Variants in JPH3 observed in about 807,000 individuals in gnomAD.
The protein encoded by JPH3 is junctophilin-3.
Under a neutral mutation model 59.6 loss-of-function variants are expected in JPH3, and 11 were observed. The ratio of observed to expected loss-of-function variants is 0.18; its 90% CI spans 0.12 to 0.31. The LOEUF (loss-of-function observed/expected upper bound fraction) is 0.31. JPH3 is among the 10% of genes least tolerant of loss of function. JPH3 has a pLI of 1.00. For missense variants in JPH3, 1,202 were observed against 1,105.7 expected, an observed-to-expected ratio of 1.09 and a Z score of -1.24; for synonymous variants, 673 against 483.6, an observed-to-expected ratio of 1.39 and a Z score of -5.14.
intron 2 of JPH3, among the ~76,000 whole-genome samples, chr16:87,655,277 A>T (rs1255249070): frequency 2.0e-5 from 3 of 152,180 alleles, no homozygotes; most frequent in Admixed American, 6.5e-5. Flanking sequence ...CTGCGTGGCC[A>T]CCAGGGAAAA....
intron 1 of JPH3, among the ~76,000 whole-genome samples, chr16:87,627,049 G>A (rs2031403365): frequency 6.6e-6 from 1 of 152,260 alleles, no homozygotes; most frequent in Non-Finnish European, 1.5e-5. Flanking sequence ...CACCTGGGAA[G>A]CTCTTAAAAG....
At chr16:87,695,615 G>A (rs1484721848) in intron 4 of JPH3, 1 of 456,048 alleles carries the variant, frequency 2.2e-6, no homozygotes, top group Non-Finnish European at 4.4e-6. Flanking sequence ...CCATTCCTGG[G>A]CTGGGGCCAC....
At chr16:87,685,434 T>C (rs910845506) in intron 3 of JPH3, among the ~76,000 whole-genome samples, 13 of 152,362 alleles carry the variant, frequency 8.5e-5, no homozygotes, top group African/African-American at 3.1e-4. Flanking sequence ...TCCTCCATGG[T>C]CTCGCCCTCA....
intron 4 of JPH3, among the ~76,000 whole-genome samples, chr16:87,691,858 C>T (rs573274931): frequency 3.0e-4 from 46 of 152,200 alleles, no homozygotes; most frequent in African/African-American, 1.1e-3. Flanking sequence ...GCTGTGCGCG[C>T]GCGGTTATTT....
At chr16:87,641,660 C>T (rs1279012026) in intron 1 of JPH3, among the ~76,000 whole-genome samples, 2 of 152,268 alleles carry the variant, frequency 1.3e-5, no homozygotes, top group South Asian at 2.1e-4. Flanking sequence ...GCTGCGTTGC[C>T]GATTCCTTTT....
Position 87,603,450 on chromosome 16 carries a change from G to C in JPH3, c.304G>C (p.Gly102Arg). The change falls in exon 1 of 5, where the codon GGC becomes CGC. Residue 102 changes from glycine to arginine, a missense_variant. Physicochemically the swap from Gly to Arg is moderately radical, Grantham distance 125. Transcript: ENST00000284262. ...GCGCTACGGGGTGCGGGAGTGCGCG[G>C]GCAACGGGGCCAAATACGAAGGGAC... ...KGRYGVRECAGNGAKYEGTWS... is the reference protein window; with the variant it reads ...KGRYGVRECARNGAKYEGTWS... The C allele has an allele frequency of 6.4e-7, 1 of 1,565,314 alleles. No individual in the cohort carries two copies. The highest frequency in any genetic ancestry group is 8.7e-7 in the Non-Finnish European group (1 of 1,155,654).
Position 87,644,471 on chromosome 16 carries a change from T to C in JPH3, c.596T>C (p.Val199Ala). The change falls in exon 2 of 5, where the codon GTG (valine) becomes GCG (alanine). Residue 199 changes from valine to alanine, a missense_variant. Coordinates refer to ENST00000284262, the MANE Select transcript of JPH3 (RefSeq NM_020655.4). ...GTGTCCCGCGGGGGCTTCGTGCTCG[T>C]GGCCCACAGTGACTCCGAGATCCTC... ...PAVSRGGFVL[V>A]AHSDSEILKS... 6.2e-7 allele frequency: 1 copy of C among 1,612,658 alleles called. No homozygotes were observed. Among genetic ancestry groups the C allele is most frequent in the Non-Finnish European group, 8.5e-7 (1 of 1,179,746 alleles).
intron 2 of JPH3, among the ~76,000 whole-genome samples, chr16:87,676,511 G>A (rs1002335771): frequency 6.6e-6 from 1 of 152,124 alleles, no homozygotes; most frequent in African/African-American, 2.4e-5. Context: ...AGACGCAGGT[G>A]GATCACGAGG....
intron 2 of JPH3, among the ~76,000 whole-genome samples, chr16:87,665,018 C>G (rs1036724067): frequency 2.6e-5 from 4 of 152,248 alleles, no homozygotes; most frequent in African/African-American, 9.6e-5. Context: ...TCTGTTTGCT[C>G]CCGTTTGACA....
intron 1 of JPH3, among the ~76,000 whole-genome samples, chr16:87,637,380 C>T (rs1228567990): frequency 1.3e-5 from 2 of 148,852 alleles, no homozygotes; most frequent in African/African-American, 5.0e-5. Flanking sequence ...TTTACCTGTT[C>T]ATGTTATGGG....
chr16:87,616,172 C>T (rs904419737), intron 1 of JPH3, among the ~76,000 whole-genome samples: 34 of 147,922 alleles, frequency 2.3e-4, no homozygotes, highest in African/African-American at 8.6e-4. Flanking sequence ...TTAAGCAGAA[C>T]AGCAACGCAA....
chr16:87,619,662 A>G (rs1020284116), intron 1 of JPH3, among the ~76,000 whole-genome samples: 2 of 152,198 alleles, frequency 1.3e-5, no homozygotes, highest in African/African-American at 2.4e-5. Flanking sequence ...GGCTGCAGGC[A>G]GAGGGAGGAG....
At chr16:87,627,946 C>A (rs1299836240) in intron 1 of JPH3, among the ~76,000 whole-genome samples, 1 of 152,226 alleles carries the variant, frequency 6.6e-6, no homozygotes, top group African/African-American at 2.4e-5. Context: ...CCTGTGGGCC[C>A]CACCACCTCC....
At chr16:87,696,036 AG>A in intron 4 of JPH3, 1 of 455,912 alleles carries the variant, frequency 2.2e-6, no homozygotes, top group Non-Finnish European at 4.4e-6. Context: ...AGTTGGCGTG[AG>A]GGGTTTGTTG....
intron 2 of JPH3, among the ~76,000 whole-genome samples, chr16:87,661,637 C>T (rs922411999): frequency 6.6e-6 from 1 of 152,226 alleles, no homozygotes; most frequent in East Asian, 1.9e-4. Context: ...ATCCGGAAGG[C>T]CAGCCATGTC....
At chr16:87,605,480 G>A (rs563000509) in intron 1 of JPH3, among the ~76,000 whole-genome samples, 85 of 152,322 alleles carry the variant, frequency 5.6e-4, no homozygotes, top group Non-Finnish European at 9.3e-4. Flanking sequence ...CCCTCACGGA[G>A]CTTACATTTG....
chr16:87,616,572 C>T (rs2030978889), intron 1 of JPH3, among the ~76,000 whole-genome samples: 1 of 151,888 alleles, frequency 6.6e-6, no homozygotes, highest in South Asian at 2.1e-4. Context: ...TTTGTAATTA[C>T]ACTTTTTATT....
At chr16:87,616,260 G>C (rs1373908584) in intron 1 of JPH3, among the ~76,000 whole-genome samples, 3 of 146,644 alleles carry the variant, frequency 2.0e-5, no homozygotes, top group Admixed American at 1.4e-4. Context: ...TTGAGACAGA[G>C]TCTTGTTCTA....
chr16:87,674,234 T>G (rs2033089178), intron 2 of JPH3, among the ~76,000 whole-genome samples: 1 of 151,962 alleles, frequency 6.6e-6, no homozygotes, highest in African/African-American at 2.4e-5. Flanking sequence ...CTCGGGAGTG[T>G]GAGGCAGGAG....
Sources: allele counts gnomAD v4.1 joint callset (sites outside exome capture counted in the v4.1 genomes callset), GRCh38; gene constraint gnomAD v4.1.1; transcripts MANE v1.5; gene names NCBI Gene and HGNC (gene_info 2026-07-23, HGNC 2026-07-21).